The following ARMC9 variants were observed in gnomAD, a reference collection of about 807,000 sequenced individuals.
ARMC9 encodes the protein armadillo repeat containing 9, also known as lisH domain-containing protein ARMC9.
A neutral mutation model predicts 107.0 loss-of-function variants in ARMC9; 94 were observed. The observed-to-expected ratio is 0.88, with a 90% CI of 0.74 to 1.04. ARMC9 has a LOEUF of 1.04. Ranked by LOEUF, ARMC9 falls within the 50% of genes least tolerant of loss-of-function variation. ARMC9 has a pLI of 0.00. For missense variants in ARMC9, 942 were observed against 1,030.1 expected (o/e 0.91, Z 1.17); for synonymous variants, 380 against 396.9 (o/e 0.96, Z 0.51).
At chr2:231,266,561 A>T (rs1024536230) in intron 12 of ARMC9, among the ~76,000 whole-genome samples, 1 of 152,126 alleles carries the variant, frequency 6.6e-6, no homozygotes, top group Non-Finnish European at 1.5e-5. Flanking sequence ...AACTTTTTTC[A>T]TCTAGTAAAA....
At chr2:231,217,548 A>G (rs908692365) in intron 5 of ARMC9, among the ~76,000 whole-genome samples, 1 of 150,576 alleles carries the variant, frequency 6.6e-6, no homozygotes, top group African/African-American at 2.5e-5. Context: ...ATCCTGGGCA[A>G]CAGAGTGAGA....
At chr2:231,239,010 G>A (rs532860430) in intron 8 of ARMC9, among the ~76,000 whole-genome samples, 5 of 152,276 alleles carry the variant, frequency 3.3e-5, no homozygotes, top group Admixed American at 6.5e-5. Context: ...GAGAGCAGCC[G>A]CTTCTACTGC....
chr2:231,278,501 A>T, intron 16 of ARMC9, 43 bp downstream of exon 16: 1 of 1,584,214 alleles, frequency 6.3e-7, no homozygotes, highest in South Asian at 1.1e-5. Context: ...GGGAGGCTAC[A>T]CTGGGGACCC....
At chr2:231,333,739 G>A (rs547827256) in intron 20 of ARMC9, among the ~76,000 whole-genome samples, 11 of 152,322 alleles carry the variant, frequency 7.2e-5, no homozygotes, top group Admixed American at 5.2e-4. Flanking sequence ...TTGAGACCGC[G>A]ACGCATGTAC....
At chr2:231,353,458 A>G (rs1191455082) in intron 21 of ARMC9, among the ~76,000 whole-genome samples, 1 of 115,336 alleles carries the variant, frequency 8.7e-6, no homozygotes, top group Non-Finnish European at 1.6e-5. Context: ...CTGGGATTAC[A>G]GGTGTGAGCC....
At chr2:231,316,709 T>A (rs1294083903) in intron 19 of ARMC9, among the ~76,000 whole-genome samples, 1 of 151,426 alleles carries the variant, frequency 6.6e-6, no homozygotes, top group Non-Finnish European at 1.5e-5. Flanking sequence ...AGTCAACAGG[T>A]GTTTTTTCCC....
intron 19 of ARMC9, among the ~76,000 whole-genome samples, chr2:231,306,587 A>G (rs1021750477): frequency 2.6e-5 from 4 of 152,198 alleles, no homozygotes; most frequent in Admixed American, 6.5e-5. Flanking sequence ...GATCCAACAA[A>G]GTGCAATCAG....
At chr2:231,307,174 CA>C in intron 19 of ARMC9, among the ~76,000 whole-genome samples, 1 of 152,326 alleles carries the variant, frequency 6.6e-6, no homozygotes, top group East Asian at 1.9e-4. Flanking sequence ...AGGGGCGTGC[CA>C]CACCACAGGG....
intron 19 of ARMC9, among the ~76,000 whole-genome samples, chr2:231,315,925 G>A (rs1420505577): frequency 6.6e-6 from 1 of 152,028 alleles, no homozygotes; most frequent in Non-Finnish European, 1.5e-5. Flanking sequence ...AGCCGTATTT[G>A]CCTTTTTGTT....
intron 19 of ARMC9, among the ~76,000 whole-genome samples, chr2:231,298,096 CT>C (rs1332032159): frequency 6.6e-6 from 1 of 152,164 alleles, no homozygotes; most frequent in Non-Finnish European, 1.5e-5. Context: ...ATTTTCTGGA[CT>C]TTTGCTACTC....
intron 19 of ARMC9, among the ~76,000 whole-genome samples, chr2:231,324,853 C>T (rs2043224342): frequency 6.6e-6 from 1 of 152,052 alleles, no homozygotes; most frequent in Non-Finnish European, 1.5e-5. Context: ...GGCAGAAGAT[C>T]GCTTGAGCCC....
chr2:231,371,147 G>A, intron 24 of ARMC9: 2 of 517,416 alleles, frequency 3.9e-6, no homozygotes, highest in South Asian at 3.1e-5. Flanking sequence ...TGCCACTGGG[G>A]CAGGGATCCC....
intron 24 of ARMC9, 70 bp from the exon 25 acceptor site, chr2:231,371,443 G>A (rs2046017440): frequency 3.7e-6 from 5 of 1,336,400 alleles, no homozygotes; most frequent in Non-Finnish European, 4.8e-6. Context: ...AAGAGGGACT[G>A]AGTGGGACAG....
rs146181075 is a variant in ARMC9 at position 231,322,399 on chromosome 2, A to G, written c.1774-9394A>G. 2.3e-3 allele frequency among the ~76,000 whole-genome samples: 351 copies of G among 152,326 alleles called. 3 individuals are homozygous for G. Among genetic ancestry groups the G allele is most frequent in the African/African-American group, 7.3e-3 (302 of 41,568 alleles). On this transcript the variant is annotated intron_variant, in intron 19 of 24. Coordinates refer to ENST00000611582, the MANE Select transcript of ARMC9 (RefSeq NM_001352754.2). ...TTCTGAGAAGGTGTCTCAAATTTAAACTACTTATAGAAGTCTTATAATTAT... is the reference window on the plus strand; with the variant it reads ...TTCTGAGAAGGTGTCTCAAATTTAAGCTACTTATAGAAGTCTTATAATTAT...
intron 3 of ARMC9, among the ~76,000 whole-genome samples, chr2:231,210,884 ACT>A (rs1390737435): frequency 6.6e-6 from 1 of 151,966 alleles, no homozygotes; most frequent in Non-Finnish European, 1.5e-5. Context: ...CAAACCTGAA[ACT>A]CTGTCCCCAT....
rs2045419835 is a variant in ARMC9, at chr2:231,358,217, G to A, written c.2131+2283G>A. Among the ~76,000 whole-genome samples the A allele has an allele frequency of 6.6e-6, 1 of 152,180 alleles. No homozygotes were observed. The highest frequency in any genetic ancestry group is 1.5e-5 in the Non-Finnish European group (1 of 68,028). On this transcript the variant is annotated intron_variant, in intron 22 of 24. Coordinates refer to ENST00000611582, the MANE Select transcript of ARMC9 (RefSeq NM_001352754.2). This position sits in a 1 kb window ranked among gnomAD's most constrained non-coding sequence, Gnocchi z 4.5. ...AGGGGGATGAGCAGCAGGGACAGCA[G>A]GGAGTGGGCAGTGCTGGGCTGGGCA... is the stretch of plus-strand genomic sequence containing the variant.
At chr2:231,318,455 G>C (rs1345819254) in intron 19 of ARMC9, among the ~76,000 whole-genome samples, 1 of 152,196 alleles carries the variant, frequency 6.6e-6, no homozygotes, top group African/African-American at 2.4e-5. Flanking sequence ...TGTACCTGTA[G>C]TTTAGCAGTC....
intron 7 of ARMC9, among the ~76,000 whole-genome samples, chr2:231,229,219 A>G (rs1435521420): frequency 6.6e-6 from 1 of 152,094 alleles, no homozygotes; most frequent in Non-Finnish European, 1.5e-5. Context: ...CATGACAGTC[A>G]TTTGTCACCC....
chr2:231,291,575 T>C (rs766163204), intron 18 of ARMC9, 132 bp downstream of exon 18: 84 of 811,982 alleles, frequency 1.0e-4, no homozygotes, highest in Non-Finnish European at 1.5e-4. Flanking sequence ...CCCAGCACTT[T>C]GGGAGGCCGA....
Sources: allele counts gnomAD v4.1 joint callset (sites outside exome capture counted in the v4.1 genomes callset), GRCh38; gene constraint gnomAD v4.1.1; non-coding constraint Gnocchi (gnomAD v3.1); transcripts MANE v1.5; gene names NCBI Gene and HGNC (gene_info 2026-07-23, HGNC 2026-07-21).